Variants in VAPA observed in about 807,000 individuals in gnomAD.
VAPA encodes VAMP associated protein A.
Under a neutral mutation model 25.6 loss-of-function variants are expected in VAPA, and 6 were observed. The observed-to-expected ratio is 0.23, with a 90% confidence interval of 0.13 to 0.46. The LOEUF (loss-of-function observed/expected upper bound fraction) is 0.46. Ranked by LOEUF, VAPA falls within the 20% of genes least tolerant of loss-of-function variation. The pLI is 0.99. For missense variants in VAPA, 244 were observed against 302.1 expected (o/e 0.81, Z 1.43); for synonymous variants, 112 against 106.2 (o/e 1.05, Z -0.34).
chr18:9,935,899 G>C (rs1440555407), intron 2 of VAPA, among the ~76,000 whole-genome samples: 1 of 152,154 alleles, frequency 6.6e-6, no homozygotes, highest in African/African-American at 2.4e-5. Flanking sequence ...GATCCATTAA[G>C]TTGATTCTTA....
rs2069088139 is a variant in VAPA, at chr18:9,914,162, C to T, written c.-95C>T. ...TCGGGAGCCGCGAGCCTGGCCTCGT[C>T]CTAGAGCTCGGCCGAGCCGTCGCCG... On this transcript the variant is annotated 5_prime_UTR_variant, in exon 1 of 6. Transcript: ENST00000400000. The T allele has an allele frequency of 1.7e-6, 2 of 1,170,442 alleles. No individual in the cohort carries two copies. The highest frequency in any genetic ancestry group is 2.4e-6 in the Non-Finnish European group (2 of 837,776). 72.5% of individuals were successfully genotyped at this position (1,170,442 alleles called of 1,614,324 possible).
In VAPA at chr18:9,950,411, G is replaced by T. The variant is rs1238115596; in HGVS notation, c.434G>T (p.Ser145Ile). 3.1e-6 allele frequency: 5 copies of T among 1,613,466 alleles called. No homozygotes were observed. Among genetic ancestry groups the T allele is most frequent in the Non-Finnish European group, 3.4e-6 (4 of 1,179,864 alleles). The change falls in exon 5 of 6, where the codon AGC becomes ATC. Residue 145 changes from serine (S) to isoleucine (I), a missense_variant. By Grantham distance (142) the Ser-to-Ile change is moderately radical. Around this residue, in one of 2 missense-constraint regions of VAPA, gnomAD observed 145 missense variants for 140.6 expected, o/e 1.03. Transcript: ENST00000400000. Reference protein sequence around the residue: ...ENDKLNDMEPSKAVPLNASKQ... With the variant: ...ENDKLNDMEPIKAVPLNASKQ... ...GTAATGCAGAATGATATGGAACCTAGCAAAGCTGTTCCACTGAATGCATCT... is the reference window on the plus strand; with the variant it reads ...GTAATGCAGAATGATATGGAACCTATCAAAGCTGTTCCACTGAATGCATCT...
Position 9,951,507 on chromosome 18 carries a change from C to G in VAPA, c.591+939C>G, listed in dbSNP as rs139256941. On this transcript the variant is annotated intron_variant, in intron 5 of 5. Transcript: ENST00000400000. ...AGTGCTTCATTTATCTCTGCATTCA[C>G]CATACATGCATGTGGTAGTCATTCA... Among the ~76,000 whole-genome samples the G allele has an allele frequency of 6.0e-3, 915 of 152,308 alleles. 14 individuals are homozygous for G. The highest frequency in any genetic ancestry group is 0.049 in the South Asian group (236 of 4,822).
chr18:9,954,485 G>A lies in VAPA; in HGVS notation c.*274G>A, dbSNP rs1011302360. The A allele has an allele frequency of 6.5e-6, 2 of 307,090 alleles. No homozygotes were observed. Among genetic ancestry groups the A allele is most frequent in the Non-Finnish European group, 1.2e-5 (2 of 170,454 alleles). 19.0% of individuals were successfully genotyped at this position (307,090 alleles called of 1,614,324 possible). A position where few individuals can be genotyped will look rare whatever the true frequency, so the allele number is the denominator to read the frequency against. On this transcript the variant is annotated 3_prime_UTR_variant, in exon 6 of 6. Coordinates refer to ENST00000400000, the MANE Select transcript of VAPA (RefSeq NM_194434.3). ...TTATGAAATTCATAAATAAAGAATT[G>A]TTCTTTCTTTGTGGTTTTAATAAGA... is the stretch of plus-strand genomic sequence containing the variant.
intron 4 of VAPA, chr18:9,944,882 GT>G (rs775921096): frequency 1.2e-5 from 20 of 1,600,978 alleles, no homozygotes; most frequent in Non-Finnish European, 1.5e-5. Context: ...AGAAATCAGA[GT>G]TCGGTGAGAA....
At chr18:9,950,295 G>A (rs2069475187) in intron 4 of VAPA, 100 bp from the exon 5 acceptor site, 1 of 1,361,832 alleles carries the variant, frequency 7.3e-7, no homozygotes, top group South Asian at 1.3e-5. Context: ...CTTTTAAAGA[G>A]TTTTTCATGA....
intron 1 of VAPA, among the ~76,000 whole-genome samples, chr18:9,928,508 A>G (rs1157868134): frequency 6.6e-6 from 1 of 152,062 alleles, no homozygotes; most frequent in Non-Finnish European, 1.5e-5. Flanking sequence ...TGATGGTTTA[A>G]TCACCTAAGG....
chr18:9,945,337 T>TG (rs921081662), intron 4 of VAPA, among the ~76,000 whole-genome samples: 3 of 144,024 alleles, frequency 2.1e-5, no homozygotes, highest in African/African-American at 5.0e-5. Context: ...CTTTGAGATT[T>TG]GGGGAATATA....
intron 4 of VAPA, among the ~76,000 whole-genome samples, chr18:9,941,859 G>T (rs2143391445): frequency 6.6e-6 from 1 of 152,278 alleles, no homozygotes; most frequent in East Asian, 1.9e-4. Flanking sequence ...ATTTCTAAAT[G>T]TGCAAGGTTA....
rs2069554409 is a variant in VAPA at position 9,956,654 on chromosome 18, A to C, written c.*2443A>C. On this transcript the variant is annotated 3_prime_UTR_variant, in exon 6 of 6. Transcript: ENST00000400000. ...GTGATCAGATTATTTTACTACCAAC[A>C]GTTATAGTTTGAAAGTCCAACTGTA... is the stretch of plus-strand genomic sequence containing the variant. The C allele has an allele frequency of 2.0e-5, 3 of 152,754 alleles. No homozygotes were observed. The South Asian group carries it at 6.2e-4, about 32-fold the overall frequency. The allele number at this position is 152,754 out of a possible 1,614,324, so 9.5% of individuals were successfully genotyped here.
chr18:9,917,273 CAT>C (rs1409009192), intron 1 of VAPA, among the ~76,000 whole-genome samples: 3 of 152,110 alleles, frequency 2.0e-5, no homozygotes, highest in African/African-American at 7.2e-5. Context: ...ATGTATTACA[CAT>C]TTTATTTTTC....
At chr18:9,932,325 T>A (rs1365272798) in intron 2 of VAPA, among the ~76,000 whole-genome samples, 1 of 152,258 alleles carries the variant, frequency 6.6e-6, no homozygotes, top group African/African-American at 2.4e-5. Context: ...CATGCAGCTA[T>A]AGAAGTGTCA....
chr18:9,950,576 C>G lies in VAPA; in HGVS notation c.591+8C>G, dbSNP rs2069479687. 6.2e-7 allele frequency: 1 copy of G among 1,607,352 alleles called. No individual in the cohort carries two copies. On this transcript the variant is annotated splice_region_variant and intron_variant, in intron 5 of 5. Transcript: ENST00000400000. ...GAAAATCGGCACCTGAGAGTAAGTT[C>G]TGTTGGTTGAAAATAAATTGATTGA...
At chr18:9,949,383 C>G (rs1340714210) in intron 4 of VAPA, 1 of 152,124 alleles carries the variant, frequency 6.6e-6, no homozygotes, top group Non-Finnish European at 1.5e-5. Flanking sequence ...GCATACTAAT[C>G]AAATCACATC....
intron 1 of VAPA, among the ~76,000 whole-genome samples, chr18:9,927,924 A>T (rs1013532816): frequency 6.6e-6 from 1 of 152,156 alleles, no homozygotes. Context: ...AACAACAGCC[A>T]CATAATTGAA....
At chr18:9,943,868 T>A (rs1201166018) in intron 4 of VAPA, among the ~76,000 whole-genome samples, 4 of 92,240 alleles carry the variant, frequency 4.3e-5, no homozygotes, top group African/African-American at 1.3e-4. Flanking sequence ...TTTTTTTTTT[T>A]TTTTTTTTTT....
rs1006688996 is a variant in VAPA, at chr18:9,959,934, G to A, written c.*5723G>A. The A allele has an allele frequency of 6.6e-6, 1 of 151,848 alleles. No individual in the cohort carries two copies. Among genetic ancestry groups the A allele is most frequent in the South Asian group, 2.1e-4 (1 of 4,804 alleles). The allele number at this position is 151,848 out of a possible 1,614,324, so 9.4% of individuals were successfully genotyped here. ...TATAATATGTAGATAAATATATGAG[G>A]GTATTAAGCTACTTTGAATTAAATT... On this transcript the variant is annotated 3_prime_UTR_variant, in exon 6 of 6. Coordinates refer to ENST00000400000, the MANE Select transcript of VAPA (RefSeq NM_194434.3).
chr18:9,921,922 T>C (rs2069159965), intron 1 of VAPA, among the ~76,000 whole-genome samples: 1 of 152,168 alleles, frequency 6.6e-6, no homozygotes, highest in Non-Finnish European at 1.5e-5. Context: ...TAAATATAAA[T>C]TTAATAATTG....
intron 3 of VAPA, 187 bp downstream of exon 3, chr18:9,936,400 T>A: frequency 2.4e-6 from 1 of 421,252 alleles, no homozygotes; most frequent in Non-Finnish European, 4.2e-6. Flanking sequence ...AGTATTTTTT[T>A]TTAGAAACAA....
Sources: gnomAD v4.1 joint callset for allele counts (sites outside exome capture counted in the v4.1 genomes callset) on GRCh38, gnomAD v4.1.1 for gene constraint, gnomAD v4.1.1 regional missense constraint, MANE v1.5 for transcripts, NCBI Gene and HGNC (gene_info 2026-07-23, HGNC 2026-07-21) for gene names.